PPP2R2C: variants seen among roughly 807,000 people sequenced by gnomAD.
The protein encoded by PPP2R2C is protein phosphatase 2, regulatory subunit B, gamma.
In PPP2R2C, 10 loss-of-function variants were observed where a neutral mutation model predicts 45.3. The ratio of observed to expected loss-of-function variants is 0.22; its 90% CI spans 0.14 to 0.37. PPP2R2C has a LOEUF of 0.37. Ranked by LOEUF, PPP2R2C falls within the 10% of genes least tolerant of loss-of-function variation. The pLI, the probability that PPP2R2C is intolerant of heterozygous loss-of-function variation, is 1.00. For missense variants in PPP2R2C, 308 were observed against 619.7 expected, an observed-to-expected ratio of 0.50 and a Z score of 5.34; for synonymous variants, 257 against 245.4, an observed-to-expected ratio of 1.05 and a Z score of -0.44.
chr4:6,463,960 C>G (rs1270193114), intron 1 of PPP2R2C, among the ~76,000 whole-genome samples: 2 of 152,198 alleles, frequency 1.3e-5, no homozygotes, highest in Non-Finnish European at 1.5e-5. Context: ...CAGAACTGAA[C>G]AGGCCACCTA....
intron 1 of PPP2R2C, among the ~76,000 whole-genome samples, chr4:6,454,385 G>C (rs1720902677): frequency 6.6e-6 from 1 of 152,218 alleles, no homozygotes; most frequent in African/African-American, 2.4e-5. Flanking sequence ...CCAGGGGTCA[G>C]GAAGGGCCAA....
At chr4:6,346,012 C>T (rs938399113) in intron 6 of PPP2R2C, among the ~76,000 whole-genome samples, 7 of 152,164 alleles carry the variant, frequency 4.6e-5, no homozygotes, top group Non-Finnish European at 7.4e-5. Flanking sequence ...TTCCAGGCCA[C>T]GGCCCCACCT....
Position 6,469,126 on chromosome 4 carries a change from T to C in PPP2R2C, c.70+3034A>G, listed in dbSNP as rs531656013. ...AAAAAATCCAACCTGCTCTGACGAA[T>C]TCACACCAAGATGTGAATGACTAAC... On this transcript the variant is annotated intron_variant, in intron 1 of 8. Coordinates refer to ENST00000382599, the MANE Select transcript of PPP2R2C (RefSeq NM_020416.4). Among the ~76,000 whole-genome samples the C allele has an allele frequency of 4.9e-5, 7 of 142,658 alleles. No individual in the cohort carries two copies. In the East Asian group the frequency reaches 1.4e-3, roughly 29 times the overall value. 93.6% of individuals were successfully genotyped at this position (142,658 alleles called of 152,430 possible).
upstream of PPP2R2C, among the ~76,000 whole-genome samples, chr4:6,473,543 G>A (rs1383996540): frequency 1.3e-5 from 2 of 152,334 alleles, no homozygotes; most frequent in South Asian, 2.1e-4. Flanking sequence ...CCTGGAAAGC[G>A]AGGGACTCTG....
intron 1 of PPP2R2C, chr4:6,384,306 T>TAC: frequency 2.0e-6 from 2 of 985,396 alleles, no homozygotes; most frequent in Non-Finnish European, 2.4e-6. Flanking sequence ...TGTAATGATC[T>TAC]ACATCAGTGA....
At chr4:6,522,427 G>A (rs777801647) in intron 2 of PPP2R2C, among the ~76,000 whole-genome samples, 130 of 152,234 alleles carry the variant, frequency 8.5e-4, no homozygotes, top group Non-Finnish European at 1.5e-3. Flanking sequence ...CACAGCTGGG[G>A]ACACAAGTGA....
chr4:6,403,918 G>A (rs935117157), intron 1 of PPP2R2C, among the ~76,000 whole-genome samples: 3 of 151,500 alleles, frequency 2.0e-5, no homozygotes, highest in Non-Finnish European at 4.4e-5. Context: ...GGGATACACT[G>A]TGCCATTTCA....
chr4:6,556,146 G>A (rs2108844085), intron 1 of PPP2R2C, among the ~76,000 whole-genome samples: 1 of 152,230 alleles, frequency 6.6e-6, no homozygotes, highest in South Asian at 2.1e-4. Flanking sequence ...AACTTGACGG[G>A]GCCACGGGAT....
chr4:6,543,735 C>T (rs1724882789), intron 1 of PPP2R2C, among the ~76,000 whole-genome samples: 1 of 152,188 alleles, frequency 6.6e-6, no homozygotes, highest in Admixed American at 6.5e-5. Flanking sequence ...AAACAGGCTC[C>T]CTTGCCCTGC....
intron 2 of PPP2R2C, among the ~76,000 whole-genome samples, chr4:6,517,832 C>T (rs936946502): frequency 1.2e-4 from 19 of 152,204 alleles, no homozygotes; most frequent in Non-Finnish European, 1.0e-4. Context: ...CCCCTACCTA[C>T]AAACTCTCCA....
rs79602638 is a variant in PPP2R2C, at chr4:6,433,349, A to G, written c.70+38811T>C. 3.2e-3 allele frequency among the ~76,000 whole-genome samples: 481 copies of G among 152,304 alleles called. 1 individual carries two copies. The highest frequency in any genetic ancestry group is 6.8e-3 in the Middle Eastern group (2 of 294). On this transcript the variant is annotated intron_variant, in intron 1 of 8. Coordinates refer to ENST00000382599, the MANE Select transcript of PPP2R2C (RefSeq NM_020416.4). ...ATGACTTTGCAAATGGTTTGCTTTC[A>G]TATCCATTTCCAGTGGTGGCATGAG...
chr4:6,339,903 T>G (rs1577081061), intron 6 of PPP2R2C, among the ~76,000 whole-genome samples: 1 of 152,028 alleles, frequency 6.6e-6, no homozygotes, highest in Non-Finnish European at 1.5e-5. Context: ...GCTTGGAGGG[T>G]CCGAGAAGCA....
intron 1 of PPP2R2C, among the ~76,000 whole-genome samples, chr4:6,463,664 C>A (rs1721445610): frequency 6.6e-6 from 1 of 152,196 alleles, no homozygotes; most frequent in African/African-American, 2.4e-5. Flanking sequence ...TGTCAGGGGA[C>A]AAGTGTTATG....
At chr4:6,525,397 C>A (rs1724166171) in intron 2 of PPP2R2C, among the ~76,000 whole-genome samples, 1 of 149,474 alleles carries the variant, frequency 6.7e-6, no homozygotes, top group African/African-American at 2.5e-5. Context: ...AGAGTGCGAC[C>A]CCATCTCAAA....
At chr4:6,481,851 TGCCTGTAGTCCCA>T (rs1454527544) in intron 2 of PPP2R2C, among the ~76,000 whole-genome samples, 1 of 151,844 alleles carries the variant, frequency 6.6e-6, no homozygotes, top group East Asian at 1.9e-4. Context: ...TGGTGGCACG[TGCCTGTAGTCCCA>T]GCTATTCCGG....
intron 2 of PPP2R2C, among the ~76,000 whole-genome samples, chr4:6,530,224 C>T (rs1388146251): frequency 6.6e-6 from 1 of 152,166 alleles, no homozygotes; most frequent in African/African-American, 2.4e-5. Context: ...CGTGAAAAAG[C>T]ACCCACTTGT....
At chr4:6,551,067 G>T (rs1725169206) in intron 1 of PPP2R2C, among the ~76,000 whole-genome samples, 1 of 152,196 alleles carries the variant, frequency 6.6e-6, no homozygotes, top group Non-Finnish European at 1.5e-5. Context: ...TCTCCAGTTA[G>T]GTTGCCCGAG....
intron 5 of PPP2R2C, among the ~76,000 whole-genome samples, chr4:6,359,857 G>A (rs1323228906): frequency 6.6e-6 from 1 of 152,178 alleles, no homozygotes; most frequent in Non-Finnish European, 1.5e-5. Flanking sequence ...GCAAATCTCT[G>A]CTGACTGGAA....
intron 5 of PPP2R2C, among the ~76,000 whole-genome samples, chr4:6,356,353 C>T (rs951113547): frequency 2.0e-5 from 3 of 152,208 alleles, no homozygotes; most frequent in African/African-American, 7.2e-5. Flanking sequence ...GCCCCTTCTA[C>T]ATTGGAAACA....
Sources: gnomAD v4.1 joint callset for allele counts (sites outside exome capture counted in the v4.1 genomes callset) on GRCh38, gnomAD v4.1.1 for gene constraint, MANE v1.5 for transcripts, NCBI Gene and HGNC (gene_info 2026-07-23, HGNC 2026-07-21) for gene names.